Variants in JHY observed in about 807,000 individuals in gnomAD.
JHY encodes jhy protein homolog.
In JHY, 69 loss-of-function variants were observed where a neutral mutation model predicts 78.0. That is an observed-to-expected ratio of 0.88 (90% CI 0.73 to 1.08). JHY has a LOEUF of 1.08. JHY is among the 50% of genes least tolerant of loss of function. The probability of loss-of-function intolerance (pLI) is 0.00; values close to 1 mark genes in which losing one functional copy is unlikely to be tolerated. For missense variants in JHY, 944 were observed against 927.8 expected (o/e 1.02, Z -0.23); for synonymous variants, 368 against 342.6 (o/e 1.07, Z -0.82).
chr11:122,923,309 ATTTCT>A (rs1374349510), intron 3 of JHY, among the ~76,000 whole-genome samples: 4 of 152,180 alleles, frequency 2.6e-5, no homozygotes, highest in Non-Finnish European at 4.4e-5. Context: ...CATGAAACAG[ATTTCT>A]TTTCTCCTCC....
Position 122,959,381 on chromosome 11 carries a change from T to G in JHY, c.2273T>G (p.Leu758Arg), listed in dbSNP as rs1186684004. 1.2e-6 allele frequency: 2 copies of G among 1,614,194 alleles called. No homozygotes were observed. The highest frequency in any genetic ancestry group is 1.7e-6 in the Non-Finnish European group (2 of 1,180,018). ...CCTGAAATCTCACTGCTGGAAATACTGCAGAACAGACACGAAAGGGAAAAA... is the reference window on the plus strand; with the variant it reads ...CCTGAAATCTCACTGCTGGAAATACGGCAGAACAGACACGAAAGGGAAAAA... ...SLPEISLLEI[L>R]QNRHEREKQA... Residue 758 changes from leucine to arginine, a missense_variant, in exon 9 of 9, where the codon CTG becomes CGG. Coordinates refer to ENST00000227349, the MANE Select transcript of JHY (RefSeq NM_024806.4).
intron 2 of JHY, among the ~76,000 whole-genome samples, chr11:122,900,192 T>A (rs1862820733): frequency 6.6e-6 from 1 of 152,218 alleles, no homozygotes; most frequent in Admixed American, 6.5e-5. Flanking sequence ...TCATAATATG[T>A]GAACTAAAAA....
intron 6 of JHY, among the ~76,000 whole-genome samples, chr11:122,952,428 C>T (rs1401072114): frequency 6.6e-6 from 1 of 152,116 alleles, no homozygotes; most frequent in Non-Finnish European, 1.5e-5. Flanking sequence ...TTTTTCATTG[C>T]CAGTCACCCA....
rs576385995 is a variant in JHY at position 122,934,112 on chromosome 11, G to GA, written c.979-301dup. On this transcript the variant is annotated intron_variant, in intron 4 of 8. Transcript: ENST00000227349. The stretch of plus-strand genomic sequence containing the variant: ...ATTAACTCCAATTCCCTGAAATTAG[G>GA]AAAAAAATCGTCTACTTTTTCTTTA... 2.4e-3 allele frequency among the ~76,000 whole-genome samples: 367 copies of GA among 151,924 alleles called. 1 individual carries two copies. The highest frequency in any genetic ancestry group is 3.3e-3 in the Non-Finnish European group (221 of 67,964).
At chr11:122,904,552 C>A in intron 3 of JHY, 108 bp downstream of exon 3, 1 of 1,283,150 alleles carries the variant, frequency 7.8e-7, no homozygotes, top group Non-Finnish European at 1.1e-6. Context: ...TCATAGCAGC[C>A]ACCTAGCTGG....
Position 122,920,320 on chromosome 11 carries a change from G to A in JHY, c.865-4577G>A, listed in dbSNP as rs867166086. On this transcript the variant is annotated intron_variant, in intron 3 of 8. Transcript: ENST00000227349. Reference sequence around the variant, plus strand: ...TTAAAAAATCAACTCTATTTAATTTGGATATGTGCTAGTTGTCAATACTAT... The same window carrying A: ...TTAAAAAATCAACTCTATTTAATTTAGATATGTGCTAGTTGTCAATACTAT... Among the ~76,000 whole-genome samples the A allele has an allele frequency of 3.9e-5, 6 of 152,258 alleles. 1 individual carries two copies. In the Middle Eastern group the frequency reaches 0.01, roughly 259 times the overall value.
At chr11:122,956,418 A>T in intron 6 of JHY, 78 bp from the exon 7 acceptor site, 1 of 1,219,442 alleles carries the variant, frequency 8.2e-7, no homozygotes, top group Non-Finnish European at 1.2e-6. Flanking sequence ...TTATGTGGCT[A>T]TGACACCTTA....
chr11:122,887,952 A>G (rs1862530817), intron 2 of JHY, among the ~76,000 whole-genome samples: 1 of 152,198 alleles, frequency 6.6e-6, no homozygotes, highest in Non-Finnish European at 1.5e-5. Flanking sequence ...TGTCCTTGGG[A>G]TACAGTCACT....
intron 3 of JHY, among the ~76,000 whole-genome samples, chr11:122,922,318 T>C (rs946082430): frequency 5.3e-5 from 8 of 152,178 alleles, no homozygotes; most frequent in African/African-American, 1.9e-4. Flanking sequence ...GTTACTTTAG[T>C]AAAGTTAATA....
intron 5 of JHY, among the ~76,000 whole-genome samples, chr11:122,939,715 T>G (rs1821668546): frequency 6.6e-6 from 1 of 152,226 alleles, no homozygotes; most frequent in Admixed American, 6.5e-5. Flanking sequence ...GTCCTTCATC[T>G]AGATTCATCA....
chr11:122,925,466 A>T (rs1863476491), intron 4 of JHY, among the ~76,000 whole-genome samples: 1 of 152,214 alleles, frequency 6.6e-6, no homozygotes, highest in Admixed American at 6.5e-5. Context: ...AGAATATAAA[A>T]GCTTACCAAC....
chr11:122,886,629 A>G lies in JHY; in HGVS notation c.344+436A>G, dbSNP rs137972756. Among the ~76,000 whole-genome samples, 953 of 152,224 alleles carry G rather than the reference A, an allele frequency of 6.3e-3. 33 individuals are homozygous for G. The highest frequency in any genetic ancestry group is 0.055 in the Admixed American group (837 of 15,284). ...TTTTATGTAGTATTAAATATTTACA[A>G]TAGAGATGGGAGCTCATTATGTTGG... On this transcript the variant is annotated intron_variant, in intron 2 of 8. Coordinates refer to ENST00000227349, the MANE Select transcript of JHY (RefSeq NM_024806.4).
At chr11:122,891,266 A>G (rs1020855113) in intron 2 of JHY, among the ~76,000 whole-genome samples, 1 of 152,196 alleles carries the variant, frequency 6.6e-6, no homozygotes, top group Non-Finnish European at 1.5e-5. Context: ...CTTGAGTCCT[A>G]CACTTGTGTT....
At chr11:122,907,554 GA>G (rs1202983376) in intron 3 of JHY, among the ~76,000 whole-genome samples, 1 of 152,062 alleles carries the variant, frequency 6.6e-6, no homozygotes, top group African/African-American at 2.4e-5. Flanking sequence ...TTTTAAAAGT[GA>G]TTTTTTTGAC....
chr11:122,927,675 A>G (rs1437353596), intron 4 of JHY, among the ~76,000 whole-genome samples: 1 of 150,254 alleles, frequency 6.7e-6, no homozygotes, highest in Non-Finnish European at 1.5e-5. Context: ...GGCCTGCCAT[A>G]TTGGGCCGTG....
rs1391621170 is a variant in JHY, at chr11:122,959,976, G to A, written c.*531G>A. On this transcript the variant is annotated 3_prime_UTR_variant, in exon 9 of 9. Transcript: ENST00000227349. ...AGGCCGGGCACAGTGGCTCACGCCT[G>A]TAATCCCAGCACTTTGGGAAGCTGA... 6.6e-6 allele frequency among the ~76,000 whole-genome samples: 1 copy of A among 152,198 alleles called. No individual in the cohort carries two copies. The highest frequency in any genetic ancestry group is 2.4e-5 in the African/African-American group (1 of 41,444).
chr11:122,892,914 G>A (rs181770006), intron 2 of JHY, among the ~76,000 whole-genome samples: 4 of 152,024 alleles, frequency 2.6e-5, no homozygotes, highest in South Asian at 2.1e-4. Context: ...GATTTTTTTC[G>A]TACTGATTAG....
At chr11:122,918,439 C>T (rs972443373) in intron 3 of JHY, among the ~76,000 whole-genome samples, 1 of 151,290 alleles carries the variant, frequency 6.6e-6, no homozygotes, top group Admixed American at 6.6e-5. Flanking sequence ...GAAATCACAA[C>T]GTTAAATGGG....
At chr11:122,893,579 G>A (rs1203626719) in intron 2 of JHY, among the ~76,000 whole-genome samples, 5 of 152,106 alleles carry the variant, frequency 3.3e-5, no homozygotes, top group Non-Finnish European at 7.3e-5. Flanking sequence ...GACCTACAAC[G>A]CTGTGAGTTT....
Sources: allele counts gnomAD v4.1 joint callset (sites outside exome capture counted in the v4.1 genomes callset), GRCh38; gene constraint gnomAD v4.1.1; transcripts MANE v1.5; gene names NCBI Gene and HGNC (gene_info 2026-07-23, HGNC 2026-07-21).